The following LSAMP variants were observed in gnomAD, a reference collection of about 807,000 sequenced individuals.
LSAMP encodes limbic system associated membrane protein, also known as limbic system-associated membrane protein.
A neutral mutation model predicts 38.6 loss-of-function variants in LSAMP; 7 were observed. The ratio of observed to expected loss-of-function variants is 0.18; its 90% CI spans 0.10 to 0.34. The LOEUF (loss-of-function observed/expected upper bound fraction) is 0.34, where lower values mean the gene tolerates loss of function less well. LSAMP is among the 10% of genes least tolerant of loss of function. The pLI is 1.00. For missense variants in LSAMP, 313 were observed against 420.0 expected (o/e 0.75, Z 2.23); for synonymous variants, 154 against 166.8 (o/e 0.92, Z 0.59).
intron 3 of LSAMP, among the ~76,000 whole-genome samples, chr3:115,877,810 C>G (rs1936221582): frequency 6.6e-6 from 1 of 152,136 alleles, no homozygotes; most frequent in South Asian, 2.1e-4. Context: ...GCATCAGAAA[C>G]TATGCATCTG....
In LSAMP at chr3:116,042,148, A is replaced by G. The variant is rs181646979; in HGVS notation, c.389-22508T>C. Among the ~76,000 whole-genome samples, 600 of 152,282 alleles carry G rather than the reference A, an allele frequency of 3.9e-3. 3 individuals are homozygous for G. The highest frequency in any genetic ancestry group is 6.4e-3 in the Non-Finnish European group (437 of 68,012). On this transcript the variant is annotated intron_variant, in intron 2 of 6. Coordinates refer to ENST00000490035, the MANE Select transcript of LSAMP (RefSeq NM_002338.5). ...ACTATTCTGAGGCATGTGTAACTCT[A>G]TCAAGTTTAGGATTACCTATTATCA...
chr3:115,922,338 CTG>C (rs1937402189), intron 3 of LSAMP, among the ~76,000 whole-genome samples: 1 of 152,032 alleles, frequency 6.6e-6, no homozygotes, highest in Non-Finnish European at 1.5e-5. Context: ...ATTCTTTCTT[CTG>C]CCTGGTCAAA....
rs965217718 is a variant in LSAMP at position 115,855,695 on chromosome 3, C to T, written c.515-3078G>A. On this transcript the variant is annotated intron_variant, in intron 3 of 6. Transcript: ENST00000490035. Reference sequence around the variant, plus strand: ...TCCTGCTCCTTTCTTTCCTTTGCCCCGGTGTGTCCGTCCTCATGAGAGCAA... The same window carrying T: ...TCCTGCTCCTTTCTTTCCTTTGCCCTGGTGTGTCCGTCCTCATGAGAGCAA... 5.3e-5 allele frequency among the ~76,000 whole-genome samples: 8 copies of T among 152,274 alleles called. No individual in the cohort carries two copies. The East Asian group carries it at 7.7e-4, about 15-fold the overall frequency.
chr3:116,329,607 C>T (rs896534215), intron 1 of LSAMP, among the ~76,000 whole-genome samples: 2 of 151,948 alleles, frequency 1.3e-5, no homozygotes, highest in African/African-American at 2.4e-5. Context: ...GAAGTATGGT[C>T]CAAATTTTCA....
chr3:116,230,872 A>G (rs768357288), intron 1 of LSAMP, among the ~76,000 whole-genome samples: 1 of 152,222 alleles, frequency 6.6e-6, no homozygotes, highest in Non-Finnish European at 1.5e-5. Flanking sequence ...AGTTAAACGA[A>G]ATGGAAAGAG....
In LSAMP at chr3:116,208,981, A is replaced by G. The variant is rs575028687; in HGVS notation, c.156-122425T>C. Among the ~76,000 whole-genome samples, 651 of 152,294 alleles carry G rather than the reference A, an allele frequency of 4.3e-3. 7 individuals carry two copies. Among genetic ancestry groups the G allele is most frequent in the African/African-American group, 0.015 (613 of 41,552 alleles). ...TACCTAAGCAAGCCTGGGCAATGGC[A>G]GGCGCCCCTCCCGGAGCCTCGCTGC... On this transcript the variant is annotated intron_variant, in intron 1 of 6. Transcript: ENST00000490035.
At chr3:116,042,872 T>C (rs1381890896) in intron 2 of LSAMP, among the ~76,000 whole-genome samples, 1 of 152,164 alleles carries the variant, frequency 6.6e-6, no homozygotes, top group Non-Finnish European at 1.5e-5. Context: ...TCAGTCAGAG[T>C]TGTATAAACA....
At position 116,356,749 on chromosome 3, in the gene LSAMP, A is replaced by G. The variant is rs1303247972; in HGVS notation, c.155+88128T>C. On this transcript the variant is annotated intron_variant, in intron 1 of 6. Transcript: ENST00000490035. ...ATCCATAATCATTTTTTAATTAAAAAGAAATCTCACTTAAAATTATTTTTC... is the reference window on the plus strand; with the variant it reads ...ATCCATAATCATTTTTTAATTAAAAGGAAATCTCACTTAAAATTATTTTTC... Among the ~76,000 whole-genome samples, 3 of 152,216 alleles carry G rather than the reference A, an allele frequency of 2.0e-5. No individual in the cohort carries two copies. In the East Asian group the frequency reaches 5.8e-4, roughly 29 times the overall value.
In LSAMP at chr3:115,842,589, G is replaced by A; in HGVS notation, c.650-11C>T. Reference sequence around the variant, plus strand: ...TGATAGTGGGAGGATCTGTAGGAAGGACAGGCACACAAGTTTACATGAGGG... The same window carrying A: ...TGATAGTGGGAGGATCTGTAGGAAGAACAGGCACACAAGTTTACATGAGGG... On this transcript the variant is annotated splice_polypyrimidine_tract_variant and intron_variant, in intron 4 of 6. Coordinates refer to ENST00000490035, the MANE Select transcript of LSAMP (RefSeq NM_002338.5). 1.2e-6 allele frequency: 2 copies of A among 1,612,750 alleles called. No individual in the cohort carries two copies. Among genetic ancestry groups the A allele is most frequent in the South Asian group, 1.1e-5 (1 of 90,972 alleles).
intron 1 of LSAMP, among the ~76,000 whole-genome samples, chr3:116,236,415 G>T (rs1165627227): frequency 3.9e-5 from 6 of 152,002 alleles, no homozygotes; most frequent in Admixed American, 3.9e-4. Context: ...TAAAATAAAA[G>T]AATACCAAAT....
chr3:116,188,063 T>C (rs1488125856), intron 1 of LSAMP, among the ~76,000 whole-genome samples: 1 of 152,160 alleles, frequency 6.6e-6, no homozygotes, highest in East Asian at 1.9e-4. Flanking sequence ...CACGTTTTTC[T>C]ATGCAAATCA....
intron 1 of LSAMP, among the ~76,000 whole-genome samples, chr3:116,118,547 A>C (rs1246130921): frequency 6.6e-6 from 1 of 152,208 alleles, no homozygotes; most frequent in African/African-American, 2.4e-5. Flanking sequence ...ATCCCTTTAC[A>C]GCAAATTTAG....
At chr3:115,945,229 A>C (rs2107566434) in intron 3 of LSAMP, among the ~76,000 whole-genome samples, 1 of 152,270 alleles carries the variant, frequency 6.6e-6, no homozygotes, top group South Asian at 2.1e-4. Context: ...ATTATGGCTT[A>C]CATACATTCC....
chr3:116,099,000 G>T (rs1400847393), intron 1 of LSAMP, among the ~76,000 whole-genome samples: 1 of 152,202 alleles, frequency 6.6e-6, no homozygotes, highest in African/African-American at 2.4e-5. Flanking sequence ...CCTACATAAA[G>T]CACTAACGCT....
intron 3 of LSAMP, among the ~76,000 whole-genome samples, chr3:115,927,135 C>T (rs900015252): frequency 6.6e-6 from 1 of 152,168 alleles, no homozygotes; most frequent in Non-Finnish European, 1.5e-5. Context: ...CAACCCCACG[C>T]TTGCTGACCA....
intron 1 of LSAMP, among the ~76,000 whole-genome samples, chr3:116,424,632 T>C (rs916388349): frequency 6.6e-6 from 1 of 152,218 alleles, no homozygotes; most frequent in African/African-American, 2.4e-5. Flanking sequence ...CTTAGTCTTA[T>C]ACAGAAGAGA....
At chr3:116,096,367 T>C (rs1708227162) in intron 1 of LSAMP, among the ~76,000 whole-genome samples, 1 of 152,234 alleles carries the variant, frequency 6.6e-6, no homozygotes, top group African/African-American at 2.4e-5. Flanking sequence ...CCAGATATTG[T>C]GGCTCAATCC....
intron 6 of LSAMP, among the ~76,000 whole-genome samples, chr3:115,835,174 G>A (rs1235866184): frequency 1.3e-5 from 2 of 152,072 alleles, no homozygotes; most frequent in Non-Finnish European, 2.9e-5. Flanking sequence ...TTCTTAGCAT[G>A]TTATAATTTT....
At chr3:115,893,145 C>T (rs535673135) in intron 3 of LSAMP, among the ~76,000 whole-genome samples, 9 of 151,804 alleles carry the variant, frequency 5.9e-5, no homozygotes, top group East Asian at 5.8e-4. Flanking sequence ...TGGGGCCTGT[C>T]GGGGAGTGGG....
Sources: allele counts gnomAD v4.1 joint callset (sites outside exome capture counted in the v4.1 genomes callset), GRCh38; gene constraint gnomAD v4.1.1; transcripts MANE v1.5; gene names NCBI Gene and HGNC (gene_info 2026-07-23, HGNC 2026-07-21).